ST8SIA3: variants seen among roughly 807,000 people sequenced by gnomAD.
ST8SIA3 encodes the protein ST8 alpha-N-acetyl-neuraminide alpha-2,8-sialyltransferase 3.
Under a neutral mutation model 34.5 loss-of-function variants are expected in ST8SIA3, and 17 were observed. The observed-to-expected ratio is 0.49, with a 90% confidence interval of 0.34 to 0.74. ST8SIA3 has a LOEUF of 0.74. ST8SIA3 is among the 30% of genes least tolerant of loss of function. ST8SIA3 has a pLI of 0.01. For missense variants in ST8SIA3, 354 were observed against 467.8 expected, an observed-to-expected ratio of 0.76 and a Z score of 2.24; for synonymous variants, 172 against 176.1, an observed-to-expected ratio of 0.98 and a Z score of 0.19.
In ST8SIA3 at chr18:57,356,931, T is replaced by C. The variant is rs1362238308; in HGVS notation, c.321T>C (p.His107=). 2 of 1,598,666 alleles carry C rather than the reference T, an allele frequency of 1.3e-6. No homozygotes were observed. The highest frequency in any genetic ancestry group is 2.2e-5 in the East Asian group (1 of 44,744). ...FLHQRQEILQ[H]VDVIKNFSLT... is the part of the protein sequence containing the mutation. ...ATTTTAGGCAAGAAATTCTTCAGCA[T>C]GTCGATGTAATAAAAAATTTTTCTT... Residue 107 remains histidine (H), a synonymous_variant, in exon 3 of 4, where the codon CAT becomes CAC. Transcript: ENST00000324000.
At chr18:57,355,009 C>T (rs933410588) in intron 2 of ST8SIA3, among the ~76,000 whole-genome samples, 2 of 152,176 alleles carry the variant, frequency 1.3e-5, no homozygotes, top group Admixed American at 6.5e-5. Flanking sequence ...TCAAATTACT[C>T]GTGAAAATGC....
In ST8SIA3 at chr18:57,364,809, A is replaced by G. The variant is rs1333372967; in HGVS notation, c.*4532A>G. 1 of 152,674 alleles carries G rather than the reference A, an allele frequency of 6.5e-6. No homozygotes were observed. The highest frequency in any genetic ancestry group is 1.5e-5 in the Non-Finnish European group (1 of 68,034). 9.5% of individuals were successfully genotyped at this position (152,674 alleles called of 1,614,324 possible). On this transcript the variant is annotated 3_prime_UTR_variant, in exon 4 of 4. Transcript: ENST00000324000. The stretch of plus-strand genomic sequence containing the variant: ...TGCCACATAGATAACAGCATTTGAA[A>G]TGGGAAACACTTTAGAATGTCATTA...
rs948223643 is a variant in ST8SIA3 at position 57,364,331 on chromosome 18, G to A, written c.*4054G>A. On this transcript the variant is annotated 3_prime_UTR_variant, in exon 4 of 4. Transcript: ENST00000324000. ...TCTCCATATATATACAACTTTCATC[G>A]GGGTCCCTTGAGTTAAGAAATGCCT... 2 of 151,992 alleles carry A rather than the reference G, an allele frequency of 1.3e-5. No homozygotes were observed. The highest frequency in any genetic ancestry group is 2.9e-5 in the Non-Finnish European group (2 of 68,006). 9.4% of individuals were successfully genotyped at this position (151,992 alleles called of 1,614,324 possible). A position where few individuals can be genotyped will look rare whatever the true frequency, so the allele number is the denominator to read the frequency against.
chr18:57,353,017 G>A lies in ST8SIA3; in HGVS notation c.171G>A (p.Ala57=). The change falls in exon 1 of 4, where the codon GCG becomes GCA. Residue 57 remains alanine, a synonymous_variant. Transcript: ENST00000324000. ...CGCCCCGAATGTACATGTTCCACGCGGGATTCCGGTGAGTGCGGGCCTCTG... is the reference window on the plus strand; with the variant it reads ...CGCCCCGAATGTACATGTTCCACGCAGGATTCCGGTGAGTGCGGGCCTCTG... ...PGAPRMYMFH[A]GFRSQFALKF... is the part of the protein sequence containing the mutation. The A allele has an allele frequency of 2.5e-6, 4 of 1,608,006 alleles. No homozygotes were observed. Among genetic ancestry groups the A allele is most frequent in the South Asian group, 1.1e-5 (1 of 91,062 alleles).
intron 1 of ST8SIA3, 139 bp from the exon 2 acceptor site, chr18:57,354,263 C>T (rs1223666338): frequency 3.8e-6 from 4 of 1,064,576 alleles, no homozygotes; most frequent in Non-Finnish European, 5.5e-6. Context: ...GAGGGTGGAC[C>T]AAATGAGAGG....
Position 57,361,095 on chromosome 18 carries a change from G to T in ST8SIA3, c.*818G>T, listed in dbSNP as rs141832078. On this transcript the variant is annotated 3_prime_UTR_variant, in exon 4 of 4. Coordinates refer to ENST00000324000, the MANE Select transcript of ST8SIA3 (RefSeq NM_015879.3). ...AAGCCTATGTTGTGGATAGCATTGC[G>T]TCTCTTGATGTAGGCATTGTTATGG... 6.6e-6 allele frequency: 1 copy of T among 152,282 alleles called. No homozygotes were observed. The highest frequency in any genetic ancestry group is 2.4e-5 in the African/African-American group (1 of 41,564). The allele number at this position is 152,282 out of a possible 1,614,324, so 9.4% of individuals were successfully genotyped here. A position where few individuals can be genotyped will look rare whatever the true frequency, so the allele number is the denominator to read the frequency against.
rs2049827114 is a variant in ST8SIA3, at chr18:57,360,975, G to A, written c.*698G>A. The A allele has an allele frequency of 6.6e-6, 1 of 152,430 alleles. No individual in the cohort carries two copies. The highest frequency in any genetic ancestry group is 2.1e-4 in the South Asian group (1 of 4,828). The allele number at this position is 152,430 out of a possible 1,614,324, so 9.4% of individuals were successfully genotyped here. On this transcript the variant is annotated 3_prime_UTR_variant, in exon 4 of 4. Coordinates refer to ENST00000324000, the MANE Select transcript of ST8SIA3 (RefSeq NM_015879.3). ...CCTTTTTTAAAGAAATGCCTCTGAT[G>A]CAGTCCTCACCAGTCCATTCAGTCA...
chr18:57,352,767 C>T lies in ST8SIA3; in HGVS notation c.-80C>T, dbSNP rs934802776. 9.5e-7 allele frequency: 1 copy of T among 1,053,968 alleles called. No individual in the cohort carries two copies. The highest frequency in any genetic ancestry group is 1.4e-6 in the Non-Finnish European group (1 of 712,378). The allele number at this position is 1,053,968 out of a possible 1,614,324, so 65.3% of individuals were successfully genotyped here. On this transcript the variant is annotated 5_prime_UTR_variant, in exon 1 of 4. Coordinates refer to ENST00000324000, the MANE Select transcript of ST8SIA3 (RefSeq NM_015879.3). The stretch of plus-strand genomic sequence containing the variant: ...ACACACACACACACACACACACACA[C>T]ACATATATACACGCCAGCGAGCTGC...
In ST8SIA3 at chr18:57,368,222, C is replaced by G. The variant is rs967454545; in HGVS notation, c.*7945C>G. On this transcript the variant is annotated 3_prime_UTR_variant, in exon 4 of 4. Transcript: ENST00000324000. ...TGAAAGCATTAATTAGAAGTCAAGACAAAAGAATGTTTGTGATATCTTCTC... is the reference window on the plus strand; with the variant it reads ...TGAAAGCATTAATTAGAAGTCAAGAGAAAAGAATGTTTGTGATATCTTCTC... 6.6e-6 allele frequency: 1 copy of G among 152,176 alleles called. No individual in the cohort carries two copies. The highest frequency in any genetic ancestry group is 1.5e-5 in the Non-Finnish European group (1 of 68,032). The allele number at this position is 152,176 out of a possible 1,614,324, so 9.4% of individuals were successfully genotyped here. A position where few individuals can be genotyped will look rare whatever the true frequency, so the allele number is the denominator to read the frequency against.
chr18:57,353,895 C>T (rs1355968391), intron 1 of ST8SIA3, among the ~76,000 whole-genome samples: 3 of 152,194 alleles, frequency 2.0e-5, no homozygotes, highest in Non-Finnish European at 4.4e-5. Context: ...AGGCCGGCGG[C>T]CCCCGGGGGT....
At chr18:57,353,746 G>A (rs985408903) in intron 1 of ST8SIA3, among the ~76,000 whole-genome samples, 3 of 152,144 alleles carry the variant, frequency 2.0e-5, no homozygotes, top group Non-Finnish European at 2.9e-5. Flanking sequence ...GAGAGCCCCC[G>A]CCCCGCTCTG....
In ST8SIA3 at chr18:57,356,923, C is replaced by T; in HGVS notation, c.313C>T (p.Leu105Phe). The change falls in exon 3 of 4, where the codon CTT (leucine) becomes TTT (phenylalanine). Residue 105 changes from leucine (L) to phenylalanine (F), a missense_variant. Coordinates refer to ENST00000324000, the MANE Select transcript of ST8SIA3 (RefSeq NM_015879.3). The stretch of plus-strand genomic sequence containing the variant: ...TTCTTTTTATTTTAGGCAAGAAATT[C>T]TTCAGCATGTCGATGTAATAAAAAA... ...TAFLHQRQEI[L>F]QHVDVIKNFS... The T allele has an allele frequency of 1.3e-6, 2 of 1,586,130 alleles. No homozygotes were observed. Among genetic ancestry groups the T allele is most frequent in the South Asian group, 2.3e-5 (2 of 86,916 alleles).
Position 57,365,849 on chromosome 18 carries a change from A to C in ST8SIA3, c.*5572A>C, listed in dbSNP as rs1156570637. ...GCCAGACTTCTTTCTATAGCTGTGC[A>C]CATAGAAAGGCTTTAGACAACAGTG... On this transcript the variant is annotated 3_prime_UTR_variant, in exon 4 of 4. Coordinates refer to ENST00000324000, the MANE Select transcript of ST8SIA3 (RefSeq NM_015879.3). 6.6e-6 allele frequency: 1 copy of C among 152,194 alleles called. No homozygotes were observed. Among genetic ancestry groups the C allele is most frequent in the Non-Finnish European group, 1.5e-5 (1 of 68,044 alleles). The allele number at this position is 152,194 out of a possible 1,614,324, so 9.4% of individuals were successfully genotyped here. A position where few individuals can be genotyped will look rare whatever the true frequency, so the allele number is the denominator to read the frequency against.
chr18:57,360,858 A>T lies in ST8SIA3; in HGVS notation c.*581A>T, dbSNP rs756603221. Reference sequence around the variant, plus strand: ...CCTATTGAATTCGCTTTGCTTGTATATGTTGCATTTGTACTTGATGTGTTT... The same window carrying T: ...CCTATTGAATTCGCTTTGCTTGTATTTGTTGCATTTGTACTTGATGTGTTT... On this transcript the variant is annotated 3_prime_UTR_variant, in exon 4 of 4. Transcript: ENST00000324000. 1 of 153,686 alleles carries T rather than the reference A, an allele frequency of 6.5e-6. No homozygotes were observed. The highest frequency in any genetic ancestry group is 1.4e-5 in the Non-Finnish European group (1 of 69,122). The allele number at this position is 153,686 out of a possible 1,614,324, so 9.5% of individuals were successfully genotyped here. A position where few individuals can be genotyped will look rare whatever the true frequency, so the allele number is the denominator to read the frequency against.
Position 57,368,589 on chromosome 18 carries a change from A to G in ST8SIA3, c.*8312A>G, listed in dbSNP as rs1219168994. The G allele has an allele frequency of 2.0e-5, 3 of 152,246 alleles. No individual in the cohort carries two copies. Among genetic ancestry groups the G allele is most frequent in the Non-Finnish European group, 4.4e-5 (3 of 68,050 alleles). 9.4% of individuals were successfully genotyped at this position (152,246 alleles called of 1,614,324 possible). On this transcript the variant is annotated 3_prime_UTR_variant, in exon 4 of 4. Transcript: ENST00000324000. ...AGAAGTTCTCTTGCTCTTTGGAAGA[A>G]GCCGAGGGCCTTAACAAATCAGACT...
chr18:57,356,743 C>T (rs1389769254), intron 2 of ST8SIA3, among the ~76,000 whole-genome samples, 170 bp from the exon 3 acceptor site: 4 of 152,142 alleles, frequency 2.6e-5, no homozygotes, highest in African/African-American at 7.2e-5. Context: ...TTAGAATATG[C>T]GGAGATTCTG....
At chr18:57,358,119 T>G (rs1340521452) in intron 3 of ST8SIA3, among the ~76,000 whole-genome samples, 2 of 152,202 alleles carry the variant, frequency 1.3e-5, no homozygotes, top group African/African-American at 4.8e-5. Context: ...TACTATTGTC[T>G]AGGCTCTGCC....
rs1187206155 is a variant in ST8SIA3, at chr18:57,360,252, A to C, written c.1118A>C (p.Lys373Thr). The C allele has an allele frequency of 7.4e-6, 12 of 1,613,936 alleles. No individual in the cohort carries two copies. Among genetic ancestry groups the C allele is most frequent in the Non-Finnish European group, 1.0e-5 (12 of 1,179,990 alleles). Residue 373 changes from lysine (K) to threonine (T), a missense_variant, in exon 4 of 4, where the codon AAG (lysine) becomes ACG (threonine). Coordinates refer to ENST00000324000, the MANE Select transcript of ST8SIA3 (RefSeq NM_015879.3). ...CGAATGCATGGGGAAGGGCTCACCA[A>C]GCTGACTCTGTCACACTGTGCCTAA... ...LYRMHGEGLT[K>T]LTLSHCA is the part of the protein sequence containing the mutation.
Position 57,354,407 on chromosome 18 carries a change from A to G in ST8SIA3, c.185A>G (p.Gln62Arg), listed in dbSNP as rs1386089370. ...MYMFHAGFRS[Q>R]FALKFLDPSF... is the part of the protein sequence containing the mutation. ...GTGCTCATGCTCCTCTCCAGGTCAC[A>G]ATTTGCGCTGAAGTTTCTAGACCCG... The change falls in exon 2 of 4, where the codon CAA becomes CGA. Residue 62 changes from glutamine (Q) to arginine (R), a missense_variant. Physicochemically the swap from Gln to Arg is conservative, Grantham distance 43 (BLOSUM62 1). Around this residue, in one of 3 missense-constraint regions of ST8SIA3, gnomAD observed 184 missense variants for 205.4 expected, o/e 0.90. Coordinates refer to ENST00000324000, the MANE Select transcript of ST8SIA3 (RefSeq NM_015879.3). The G allele has an allele frequency of 6.2e-7, 1 of 1,614,042 alleles. No homozygotes were observed. The highest frequency in any genetic ancestry group is 1.7e-5 in the Admixed American group (1 of 60,026).
Sources: gnomAD v4.1 joint callset for allele counts (sites outside exome capture counted in the v4.1 genomes callset) on GRCh38, gnomAD v4.1.1 for gene constraint, gnomAD v4.1.1 regional missense constraint, MANE v1.5 for transcripts, NCBI Gene and HGNC (gene_info 2026-07-23, HGNC 2026-07-21) for gene names.